The following CDYL2 variants were observed in gnomAD, a reference collection of about 807,000 sequenced individuals.
CDYL2 encodes the protein chromodomain Y like 2.
A neutral mutation model predicts 49.4 loss-of-function variants in CDYL2; 23 were observed. That is an observed-to-expected ratio of 0.47 (90% CI 0.34 to 0.66). The LOEUF (loss-of-function observed/expected upper bound fraction) is 0.66. Among genes scored for constraint, CDYL2 ranks in the 30% least tolerant of loss-of-function variants. CDYL2 has a pLI of 0.01. For missense variants in CDYL2, 678 were observed against 656.4 expected, an observed-to-expected ratio of 1.03 and a Z score of -0.36; for synonymous variants, 360 against 268.8, an observed-to-expected ratio of 1.34 and a Z score of -3.32.
intron 1 of CDYL2, among the ~76,000 whole-genome samples, chr16:80,800,725 C>T (rs1320174468): frequency 1.3e-5 from 2 of 152,184 alleles, no homozygotes; most frequent in South Asian, 4.2e-4. Flanking sequence ...GAAGGTCACA[C>T]AAGGGTACTT....
intron 2 of CDYL2, among the ~76,000 whole-genome samples, chr16:80,667,734 T>C (rs1004818166): frequency 1.3e-5 from 2 of 152,092 alleles, no homozygotes; most frequent in Non-Finnish European, 2.9e-5. Context: ...GGGGAAAAAA[T>C]TGAAATAACG....
chr16:80,722,994 T>C (rs891437096), intron 1 of CDYL2, among the ~76,000 whole-genome samples: 4 of 152,130 alleles, frequency 2.6e-5, no homozygotes, highest in Non-Finnish European at 4.4e-5. Context: ...GGAGAAGACA[T>C]AGAGGGGCCA....
chr16:80,691,681 C>A (rs1910421215), intron 1 of CDYL2, among the ~76,000 whole-genome samples: 1 of 152,150 alleles, frequency 6.6e-6, no homozygotes, highest in Admixed American at 6.5e-5. Context: ...GTTCCCAGTA[C>A]AATCACACCA....
At chr16:80,613,016 C>T (rs1191669271) in intron 4 of CDYL2, among the ~76,000 whole-genome samples, 180 bp from the exon 5 acceptor site, 3 of 152,134 alleles carry the variant, frequency 2.0e-5, no homozygotes, top group Admixed American at 2.0e-4. Context: ...CTGAGGTATA[C>T]TGATGGGGTC....
intron 1 of CDYL2, among the ~76,000 whole-genome samples, chr16:80,770,101 G>C (rs1024256989): frequency 3.3e-5 from 5 of 151,520 alleles, no homozygotes; most frequent in Non-Finnish European, 5.9e-5. Context: ...AATTGTCTGA[G>C]AATTAAGGAT....
intron 1 of CDYL2, among the ~76,000 whole-genome samples, chr16:80,747,023 T>C (rs1905956465): frequency 6.6e-6 from 1 of 152,176 alleles, no homozygotes; most frequent in Non-Finnish European, 1.5e-5. Flanking sequence ...TCCCCAGTAC[T>C]CCCTGTTGTG....
At chr16:80,641,197 C>T (rs1385924917) in intron 2 of CDYL2, among the ~76,000 whole-genome samples, 1 of 151,958 alleles carries the variant, frequency 6.6e-6, no homozygotes, top group Non-Finnish European at 1.5e-5. Context: ...GAAAAGATTC[C>T]AAAAGCAGCA....
chr16:80,618,183 T>C (rs960713703), intron 4 of CDYL2, among the ~76,000 whole-genome samples: 17 of 152,222 alleles, frequency 1.1e-4, no homozygotes, highest in Non-Finnish European at 2.1e-4. Flanking sequence ...GGGAGCTCAC[T>C]TGCCCGCTGA....
At chr16:80,736,846 C>T (rs1269652226) in intron 1 of CDYL2, among the ~76,000 whole-genome samples, 2 of 152,160 alleles carry the variant, frequency 1.3e-5, no homozygotes, top group Non-Finnish European at 2.9e-5. Context: ...TGGATAAGGA[C>T]TTGTTACCCA....
chr16:80,645,882 A>T (rs2142411748), intron 2 of CDYL2, among the ~76,000 whole-genome samples: 1 of 151,344 alleles, frequency 6.6e-6, no homozygotes, highest in South Asian at 2.1e-4. Context: ...AACTATCTCA[A>T]GGACAGAAAA....
At chr16:80,793,190 A>G (rs1255894059) in intron 1 of CDYL2, among the ~76,000 whole-genome samples, 2 of 152,226 alleles carry the variant, frequency 1.3e-5, no homozygotes, top group African/African-American at 4.8e-5. Flanking sequence ...AGGCTAGAGT[A>G]GAAAGGCAAA....
At chr16:80,712,215 A>ATATATATATATATATATATATATATG (rs763194077) in intron 1 of CDYL2, among the ~76,000 whole-genome samples, 40 of 128,348 alleles carry the variant, frequency 3.1e-4, no homozygotes, top group Admixed American at 6.3e-4. Flanking sequence ...ATATATATAT[A>ATATATATATATATATATATATATATG]TCTCCAAACC....
intron 1 of CDYL2, among the ~76,000 whole-genome samples, chr16:80,691,418 A>G (rs2142486954): frequency 6.6e-6 from 1 of 152,338 alleles, no homozygotes; most frequent in South Asian, 2.1e-4. Context: ...GCAAAACTAC[A>G]CAAGGGAAAT....
chr16:80,612,655 T>C lies in CDYL2; in HGVS notation c.1189A>G (p.Thr397Ala). 1 of 1,611,110 alleles carries C rather than the reference T, an allele frequency of 6.2e-7. No homozygotes were observed. The highest frequency in any genetic ancestry group is 1.1e-5 in the South Asian group (1 of 90,874). The change falls in exon 5 of 7, where the codon ACC becomes GCC. Residue 397 changes from threonine (T) to alanine (A), a missense_variant. Thr to Ala is a moderately conservative substitution (Grantham distance 58). Transcript: ENST00000570137. The surrounding 1 kb of genome is among the most constrained non-coding windows in gnomAD (Gnocchi z 5.0). ...GCGACGCCCAGGATCTGGGGGAAGG[T>C]GTAGGAGGAGCAGCCAGCAGGCGTG... ...RLTPAGCSSY[T>A]FPQILGVALA...
chr16:80,685,528 T>A (rs544786445), intron 1 of CDYL2, among the ~76,000 whole-genome samples: 7 of 152,322 alleles, frequency 4.6e-5, no homozygotes, highest in Non-Finnish European at 1.0e-4. Flanking sequence ...TTCATCCTTA[T>A]TTATAATAAG....
chr16:80,634,986 T>A (rs1336057080), intron 2 of CDYL2, among the ~76,000 whole-genome samples: 2 of 152,178 alleles, frequency 1.3e-5, no homozygotes, highest in Non-Finnish European at 2.9e-5. Flanking sequence ...GAGGCTTGAG[T>A]TGCCCTAATA....
intron 4 of CDYL2, among the ~76,000 whole-genome samples, chr16:80,615,326 G>C (rs997993675): frequency 6.6e-6 from 1 of 152,124 alleles, no homozygotes; most frequent in African/African-American, 2.4e-5. Context: ...CTTTTTTGGA[G>C]AATCCTTAGG....
At chr16:80,620,671 T>G in intron 4 of CDYL2, 92 bp downstream of exon 4, 1 of 1,206,444 alleles carries the variant, frequency 8.3e-7, no homozygotes, top group African/African-American at 1.5e-5. Flanking sequence ...AATTCCTGGT[T>G]GTTTGAAATT....
intron 2 of CDYL2, among the ~76,000 whole-genome samples, chr16:80,665,290 G>A (rs184398413): frequency 7.9e-5 from 12 of 152,010 alleles, no homozygotes; most frequent in Non-Finnish European, 7.4e-5. Flanking sequence ...TGGTATCCAC[G>A]TTCATGTAGG....
Sources: gnomAD v4.1 joint callset for allele counts (sites outside exome capture counted in the v4.1 genomes callset) on GRCh38, gnomAD v4.1.1 for gene constraint, Gnocchi (gnomAD v3.1) non-coding constraint, MANE v1.5 for transcripts, NCBI Gene and HGNC (gene_info 2026-07-23, HGNC 2026-07-21) for gene names.